PACS2: variants seen among roughly 807,000 people sequenced by gnomAD.
PACS2 encodes the protein phosphofurin acidic cluster sorting protein 2.
PACS2 carries 36 observed loss-of-function variants against 113.0 expected under a neutral mutation model. The observed-to-expected ratio is 0.32, with a 90% confidence interval of 0.24 to 0.42. PACS2 has a LOEUF of 0.42. Ranked by LOEUF, PACS2 falls within the 10% of genes least tolerant of loss-of-function variation. PACS2 has a pLI of 1.00. For missense variants in PACS2, 1,015 were observed against 1,239.5 expected (o/e 0.82, Z 2.72); for synonymous variants, 589 against 536.1 (o/e 1.10, Z -1.36).
chr14:105,319,010 C>T (rs898595999), intron 1 of PACS2, among the ~76,000 whole-genome samples: 12 of 150,350 alleles, frequency 8.0e-5, no homozygotes, highest in Admixed American at 3.3e-4. Context: ...TGCAGTGGCA[C>T]GATCTCAGCT....
At chr14:105,369,481 C>A (rs2061071331) in intron 7 of PACS2, among the ~76,000 whole-genome samples, 1 of 152,326 alleles carries the variant, frequency 6.6e-6, no homozygotes, top group East Asian at 1.9e-4. Context: ...CACTCGCCCA[C>A]CTGCCCACCC....
At position 105,384,355 on chromosome 14, in the gene PACS2, T is replaced by C; in HGVS notation, c.1783T>C (p.Ser595Pro). ...YMRFLVIPLG[S>P]HPVARYLGSV... Reference sequence around the variant, plus strand: ...CCAGCCCCACCCCTGGCATGCAGGCTCCCACCCCGTGGCCAGGTACCTAGG... The same window carrying C: ...CCAGCCCCACCCCTGGCATGCAGGCCCCCACCCCGTGGCCAGGTACCTAGG... The change falls in exon 17 of 25, where the codon TCC (serine) becomes CCC (proline). Residue 595 changes from serine (S) to proline (P), a missense_variant and splice_region_variant. By Grantham distance (74) the Ser-to-Pro change is moderately conservative. Around this residue, in one of 3 missense-constraint regions of PACS2, gnomAD observed 859 missense variants for 1,056.8 expected, o/e 0.81. Transcript: ENST00000447393. 6.2e-7 allele frequency: 1 copy of C among 1,600,352 alleles called. No homozygotes were observed. Among genetic ancestry groups the C allele is most frequent in the Non-Finnish European group, 8.5e-7 (1 of 1,170,132 alleles).
upstream of PACS2, among the ~76,000 whole-genome samples, chr14:105,310,410 G>A (rs1157894612): frequency 2.6e-5 from 4 of 151,646 alleles, no homozygotes; most frequent in East Asian, 5.9e-4. Flanking sequence ...GGCGCCTGTA[G>A]TCCCCCCTAC....
At chr14:105,382,330 C>T in intron 13 of PACS2, 147 bp from the exon 14 acceptor site, 1 of 702,026 alleles carries the variant, frequency 1.4e-6, no homozygotes. Flanking sequence ...TAGCCCAGGG[C>T]AGTTCTCCAA....
At position 105,352,930 on chromosome 14, in the gene PACS2, T is replaced by C. The variant is rs371752690; in HGVS notation, c.297+463T>C. 2.0e-3 allele frequency among the ~76,000 whole-genome samples: 151 copies of C among 74,556 alleles called. 1 individual carries two copies. The highest frequency in any genetic ancestry group is 8.5e-3 in the Admixed American group (49 of 5,788). 48.9% of individuals were successfully genotyped at this position (74,556 alleles called of 152,430 possible). A position where few individuals can be genotyped will look rare whatever the true frequency, so the allele number is the denominator to read the frequency against. On this transcript the variant is annotated intron_variant, in intron 3 of 24. Coordinates refer to ENST00000447393, the MANE Select transcript of PACS2 (RefSeq NM_001100913.3). ...CCCTCATCACTGTCCCCTGGGGAGA[T>C]GGGCCCCCCTCATCAGTGTCCCCTG...
Position 105,376,885 on chromosome 14 carries a change from G to A in PACS2, c.919G>A (p.Asp307Asn). ...HPSDSGPDME[D>N]DDSVLSTPKP... ...CAGCGACAGCGGCCCCGACATGGAGGATGACGACAGCGTCCTCAGCACCCC... is the reference window on the plus strand; with the variant it reads ...CAGCGACAGCGGCCCCGACATGGAGAATGACGACAGCGTCCTCAGCACCCC... Residue 307 changes from aspartate (D) to asparagine (N), a missense_variant, in exon 9 of 25, where the codon GAT (aspartate) becomes AAT (asparagine). Transcript: ENST00000447393. The surrounding 1 kb of genome is among the most constrained non-coding windows in gnomAD (Gnocchi z 4.7). 6.2e-7 allele frequency: 1 copy of A among 1,612,778 alleles called. No individual in the cohort carries two copies. Among genetic ancestry groups the A allele is most frequent in the Non-Finnish European group, 8.5e-7 (1 of 1,179,720 alleles).
intron 1 of PACS2, among the ~76,000 whole-genome samples, chr14:105,334,406 C>T (rs1461460273): frequency 2.6e-5 from 4 of 152,214 alleles, no homozygotes; most frequent in African/African-American, 9.7e-5. Flanking sequence ...AAAGTATGTG[C>T]AGGGCTTCAC....
At chr14:105,351,025 G>T (rs1274807332) in intron 2 of PACS2, among the ~76,000 whole-genome samples, 1 of 152,170 alleles carries the variant, frequency 6.6e-6, no homozygotes, top group Non-Finnish European at 1.5e-5. Context: ...CACCTGTCCT[G>T]AGGCCCCGCT....
chr14:105,391,337 C>T (rs1255765038), intron 21 of PACS2, 88 bp downstream of exon 21: 1 of 1,002,644 alleles, frequency 1.0e-6, no homozygotes, highest in Non-Finnish European at 1.6e-6. Flanking sequence ...ACCAGATCAA[C>T]CTTTCAGGGC....
At chr14:105,381,695 C>T (rs587607508) in intron 12 of PACS2, among the ~76,000 whole-genome samples, 230 of 152,364 alleles carry the variant, frequency 1.5e-3, no homozygotes, top group Non-Finnish European at 2.5e-3. Context: ...GGGGTCCCAT[C>T]GGAGGCACGG....
intron 1 of PACS2, among the ~76,000 whole-genome samples, chr14:105,338,054 G>T (rs1159892575): frequency 2.6e-5 from 4 of 152,210 alleles, no homozygotes; most frequent in African/African-American, 9.6e-5. Context: ...TGGAGGTCCT[G>T]CCCCGCCCCC....
rs2059668885 is a variant in PACS2, at chr14:105,340,096, G to C, written c.120-8397G>C. On this transcript the variant is annotated intron_variant, in intron 1 of 24. Coordinates refer to ENST00000447393, the MANE Select transcript of PACS2 (RefSeq NM_001100913.3). This position sits in a 1 kb window ranked among gnomAD's most constrained non-coding sequence, Gnocchi z 4.2. ...GTCTGGCTAAGGAGTATTTTCCTTA[G>C]CAGATACAAATTTATTTAAATTAGC... Among the ~76,000 whole-genome samples, 1 of 152,212 alleles carries C rather than the reference G, an allele frequency of 6.6e-6. No homozygotes were observed. Among genetic ancestry groups the C allele is most frequent in the Admixed American group, 6.5e-5 (1 of 15,282 alleles).
rs2081424685 is a variant in PACS2 at position 105,393,326 on chromosome 14, A to G, written c.2587A>G (p.Met863Val). 6.2e-7 allele frequency: 1 copy of G among 1,607,064 alleles called. No individual in the cohort carries two copies. The highest frequency in any genetic ancestry group is 2.2e-5 in the East Asian group (1 of 44,864). Residue 863 changes from methionine (M) to valine (V), a missense_variant, in exon 24 of 25, where the codon ATG becomes GTG. Around this residue, in one of 3 missense-constraint regions of PACS2, gnomAD observed 859 missense variants for 1,056.8 expected, o/e 0.81. Transcript: ENST00000447393. The part of the protein sequence containing the change: ...LICTARQQQN[M>V]LRVLIDGVEC... ...CTGCACTGCCAGGCAGCAGCAGAAC[A>G]TGCTGCGGGGTGAGCACCACCGGCC... is the stretch of plus-strand genomic sequence containing the variant.
At chr14:105,320,787 C>T (rs1595561923) in intron 1 of PACS2, among the ~76,000 whole-genome samples, 1 of 152,330 alleles carries the variant, frequency 6.6e-6, no homozygotes, top group East Asian at 1.9e-4. Flanking sequence ...GCCTCTTTTG[C>T]TGTATCGTGG....
chr14:105,353,220 A>C (rs1244932353), intron 3 of PACS2, among the ~76,000 whole-genome samples: 192 of 17,850 alleles, frequency 0.011, no homozygotes, highest in Admixed American at 0.012. Flanking sequence ...GGTGATGGGC[A>C]CCCCCTCATC....
intron 1 of PACS2, among the ~76,000 whole-genome samples, chr14:105,306,285 G>A (rs1353006328): frequency 3.4e-5 from 5 of 146,954 alleles, no homozygotes; most frequent in African/African-American, 1.3e-4. Context: ...TTTTGTTTTT[G>A]GGTTTGTTTT....
intron 1 of PACS2, among the ~76,000 whole-genome samples, chr14:105,320,218 C>G (rs1048248550): frequency 6.6e-6 from 1 of 152,108 alleles, no homozygotes; most frequent in Non-Finnish European, 1.5e-5. Context: ...CCTTGTTATC[C>G]GTCCACCTCA....
rs1446260743 is a variant in PACS2, at chr14:105,362,396, G to T, written c.424-4817G>T. Among the ~76,000 whole-genome samples the T allele has an allele frequency of 3.1e-4, 43 of 139,626 alleles. No individual in the cohort carries two copies. The South Asian group carries it at 3.2e-3, about 10-fold the overall frequency. The allele number at this position is 139,626 out of a possible 152,430, so 91.6% of individuals were successfully genotyped here. ...CGCGCCACTGCACTCCAGCCTGGGCGACAGAGCGAGACTCCGTCTCAAAAA... is the reference window on the plus strand; with the variant it reads ...CGCGCCACTGCACTCCAGCCTGGGCTACAGAGCGAGACTCCGTCTCAAAAA... On this transcript the variant is annotated intron_variant, in intron 4 of 24. Coordinates refer to ENST00000447393, the MANE Select transcript of PACS2 (RefSeq NM_001100913.3).
Position 105,365,545 on chromosome 14 carries a change from C to T in PACS2, c.424-1668C>T, listed in dbSNP as rs1488468549. ...GAGGCCCCATTCCTTCCTGCCCTCC[C>T]ACCTGAAGGAGGAAGCGAGCAGGGT... On this transcript the variant is annotated intron_variant, in intron 4 of 24. Coordinates refer to ENST00000447393, the MANE Select transcript of PACS2 (RefSeq NM_001100913.3). This position sits in a 1 kb window ranked among gnomAD's most constrained non-coding sequence, Gnocchi z 5.1. 6.6e-6 allele frequency among the ~76,000 whole-genome samples: 1 copy of T among 152,194 alleles called. No homozygotes were observed. Among genetic ancestry groups the T allele is most frequent in the Non-Finnish European group, 1.5e-5 (1 of 68,028 alleles).
Sources: gnomAD v4.1 joint callset for allele counts (sites outside exome capture counted in the v4.1 genomes callset) on GRCh38, gnomAD v4.1.1 for gene constraint, gnomAD v4.1.1 regional missense constraint, Gnocchi (gnomAD v3.1) non-coding constraint, MANE v1.5 for transcripts, NCBI Gene and HGNC (gene_info 2026-07-23, HGNC 2026-07-21) for gene names.